The following PSIP1 variants were observed in gnomAD, a reference collection of about 807,000 sequenced individuals.
PSIP1 encodes PC4 and SFRS1-interacting protein.
A neutral mutation model predicts 74.7 loss-of-function variants in PSIP1; 19 were observed. The ratio of observed to expected loss-of-function variants is 0.25; its 90% confidence interval spans 0.18 to 0.37. PSIP1 has a LOEUF of 0.37. Ranked by LOEUF, PSIP1 falls within the 10% of genes least tolerant of loss-of-function variation. The probability of loss-of-function intolerance (pLI) is 1.00; values close to 1 mark genes in which losing one functional copy is unlikely to be tolerated. For missense variants in PSIP1, 601 were observed against 614.3 expected (o/e 0.98, Z 0.23); for synonymous variants, 222 against 195.3 (o/e 1.14, Z -1.14).
rs769472509 is a variant in PSIP1 at position 15,510,479 on chromosome 9, G to C, written c.-141-150C>G. 7.3e-4 allele frequency: 281 copies of C among 386,384 alleles called. 1 individual carries two copies. The highest frequency in any genetic ancestry group is 1.1e-3 in the Non-Finnish European group (245 of 215,344). The allele number at this position is 386,384 out of a possible 1,614,324, so 23.9% of individuals were successfully genotyped here. ...CCGCCAGTGCGCTGCCTCCGCGCTG[G>C]AGCAGGTCCTCCACCCCGCCACCGA... On this transcript the variant is annotated intron_variant, in intron 1 of 15. Transcript: ENST00000380733.
chr9:15,493,551 T>C (rs764076886), intron 3 of PSIP1, among the ~76,000 whole-genome samples: 4 of 152,210 alleles, frequency 2.6e-5, no homozygotes, highest in Non-Finnish European at 4.4e-5. Flanking sequence ...CAATTTACCA[T>C]ATTAGTCAGT....
intron 3 of PSIP1, among the ~76,000 whole-genome samples, chr9:15,497,791 G>C (rs982830837): frequency 3.3e-5 from 5 of 151,964 alleles, no homozygotes; most frequent in African/African-American, 1.2e-4. Flanking sequence ...AAAATTTTTT[G>C]ACAATAACAT....
intron 3 of PSIP1, among the ~76,000 whole-genome samples, chr9:15,495,217 T>C (rs903677881): frequency 1.3e-5 from 2 of 152,064 alleles, no homozygotes; most frequent in Admixed American, 6.5e-5. Flanking sequence ...TTTTAAAACC[T>C]CAAATATTTA....
At chr9:15,506,436 C>G (rs918811152) in intron 3 of PSIP1, 125 bp downstream of exon 3, 6 of 635,280 alleles carry the variant, frequency 9.4e-6, no homozygotes, top group African/African-American at 1.8e-5. Flanking sequence ...CTTAAAGACT[C>G]TTTCCAAAGT....
In PSIP1 at chr9:15,488,773, A is replaced by G. The variant is rs546687767; in HGVS notation, c.288+1213T>C. 7.3e-3 allele frequency among the ~76,000 whole-genome samples: 1,105 copies of G among 150,644 alleles called. 9 individuals carry two copies. Among genetic ancestry groups the G allele is most frequent in the African/African-American group, 0.024 (993 of 41,010 alleles). On this transcript the variant is annotated intron_variant, in intron 4 of 15. Transcript: ENST00000380733. ...ACAGTGGCTCAGGCCTGTAATCCCA[A>G]CACTCTGGGGGGCCGAGGCGGGCGG...
In PSIP1 at chr9:15,469,367, A is replaced by G. The variant is rs1167823037; in HGVS notation, c.1034-31T>C. The G allele has an allele frequency of 2.8e-6, 4 of 1,425,472 alleles. No individual in the cohort carries two copies. In the African/African-American group the frequency reaches 4.3e-5, roughly 15 times the overall value. The allele number at this position is 1,425,472 out of a possible 1,614,324, so 88.3% of individuals were successfully genotyped here. A position where few individuals can be genotyped will look rare whatever the true frequency, so the allele number is the denominator to read the frequency against. On this transcript the variant is annotated intron_variant, in intron 11 of 15. Coordinates refer to ENST00000380733, the MANE Select transcript of PSIP1 (RefSeq NM_033222.5). ...AATTAAAATATGTGAAAAACAGTGAACAGTTTTTCCAAAACCAGTATTTCT... is the reference window on the plus strand; with the variant it reads ...AATTAAAATATGTGAAAAACAGTGAGCAGTTTTTCCAAAACCAGTATTTCT...
intron 15 of PSIP1, among the ~76,000 whole-genome samples, chr9:15,466,148 T>G (rs1198072658): frequency 1.3e-5 from 2 of 152,256 alleles, no homozygotes; most frequent in Non-Finnish European, 2.9e-5. Context: ...GAAGCCAAGG[T>G]GGGTGGATCA....
chr9:15,482,067 T>A (rs2036360507), intron 6 of PSIP1, among the ~76,000 whole-genome samples: 1 of 152,154 alleles, frequency 6.6e-6, no homozygotes, highest in South Asian at 2.1e-4. Flanking sequence ...TCATTTTCTC[T>A]TCATTTTTTA....
At chr9:15,470,645 TAAAA>T (rs947226413) in intron 10 of PSIP1, 1 of 928,776 alleles carries the variant, frequency 1.1e-6, no homozygotes. Context: ...GTTTTTTTTT[TAAAA>T]AAAACTTTAT....
At chr9:15,467,149 T>G (rs762222712) in intron 14 of PSIP1, among the ~76,000 whole-genome samples, 24 of 152,222 alleles carry the variant, frequency 1.6e-4, no homozygotes, top group Non-Finnish European at 3.1e-4. Flanking sequence ...ATTAATCTGA[T>G]TATTCTGGTT....
chr9:15,486,081 A>C lies in PSIP1; in HGVS notation c.394-13T>G. 6.3e-7 allele frequency: 1 copy of C among 1,576,270 alleles called. No homozygotes were observed. Among genetic ancestry groups the C allele is most frequent in the Non-Finnish European group, 8.7e-7 (1 of 1,154,000 alleles). ...CTTTAGTCACATCCTAAAAAAGAAAAAAGAAAACTGAATACTGAATAAATT... is the reference window on the plus strand; with the variant it reads ...CTTTAGTCACATCCTAAAAAAGAAACAAGAAAACTGAATACTGAATAAATT... On this transcript the variant is annotated splice_polypyrimidine_tract_variant and intron_variant, in intron 5 of 15. Transcript: ENST00000380733.
intron 12 of PSIP1, 63 bp downstream of exon 12, chr9:15,469,203 G>T (rs1305566217): frequency 3.0e-6 from 4 of 1,334,712 alleles, no homozygotes; most frequent in South Asian, 1.3e-5. Flanking sequence ...AAGATCATGT[G>T]AGAAAATAAA....
At chr9:15,498,898 T>C (rs985626737) in intron 3 of PSIP1, among the ~76,000 whole-genome samples, 1 of 152,168 alleles carries the variant, frequency 6.6e-6, no homozygotes, top group East Asian at 1.9e-4. Flanking sequence ...ACAGACAAGT[T>C]TGAAAAAAAC....
intron 3 of PSIP1, chr9:15,505,383 T>A (rs1303913695): frequency 6.6e-6 from 1 of 152,248 alleles, no homozygotes; most frequent in Non-Finnish European, 1.5e-5. Context: ...CTGAAGAGTT[T>A]CTTTAAAGTA....
intron 6 of PSIP1, among the ~76,000 whole-genome samples, chr9:15,483,138 T>C (rs1451548467): frequency 1.3e-5 from 2 of 152,172 alleles, no homozygotes; most frequent in Non-Finnish European, 2.9e-5. Flanking sequence ...ACCTCATCTA[T>C]TACCCTATCT....
rs945162555 is a variant in PSIP1, at chr9:15,510,262, G to A, written c.-74C>T. ...ATGCGGCGGCGCGGGGATGCGGGCG[G>A]CGGACGCGGGCCCAGCTACCGGGCC... On this transcript the variant is annotated 5_prime_UTR_variant, in exon 2 of 16. Coordinates refer to ENST00000380733, the MANE Select transcript of PSIP1 (RefSeq NM_033222.5). 1.1e-5 allele frequency: 15 copies of A among 1,413,756 alleles called. No homozygotes were observed. The highest frequency in any genetic ancestry group is 1.4e-5 in the Non-Finnish European group (14 of 1,029,768). The allele number at this position is 1,413,756 out of a possible 1,614,324, so 87.6% of individuals were successfully genotyped here. A position where few individuals can be genotyped will look rare whatever the true frequency, so the allele number is the denominator to read the frequency against.
At chr9:15,479,558 G>T in intron 7 of PSIP1, 33 bp downstream of exon 7, 1 of 1,519,130 alleles carries the variant, frequency 6.6e-7, no homozygotes, top group Non-Finnish European at 9.0e-7. Context: ...TTAATCACAA[G>T]CCAAACAGAT....
At chr9:15,507,670 T>C (rs1468069004) in intron 2 of PSIP1, among the ~76,000 whole-genome samples, 2 of 151,002 alleles carry the variant, frequency 1.3e-5, no homozygotes, top group Non-Finnish European at 3.0e-5. Context: ...TTTAACAACA[T>C]ATCTATTTTA....
Position 15,464,708 on chromosome 9 carries a change from A to C in PSIP1, c.*812T>G, listed in dbSNP as rs1240139107. 5.0e-6 allele frequency: 1 copy of C among 200,116 alleles called. No homozygotes were observed. The highest frequency in any genetic ancestry group is 1.0e-5 in the Non-Finnish European group (1 of 97,086). The allele number at this position is 200,116 out of a possible 1,614,324, so 12.4% of individuals were successfully genotyped here. ...ACATTCCTCAAAAATAAACTTACTT[A>C]GTTTTCAGTTTTAGTTACTAGTGCC... On this transcript the variant is annotated 3_prime_UTR_variant, in exon 16 of 16. Coordinates refer to ENST00000380733, the MANE Select transcript of PSIP1 (RefSeq NM_033222.5).
Sources: gnomAD v4.1 joint callset for allele counts (sites outside exome capture counted in the v4.1 genomes callset) on GRCh38, gnomAD v4.1.1 for gene constraint, MANE v1.5 for transcripts, NCBI Gene and HGNC (gene_info 2026-07-23, HGNC 2026-07-21) for gene names.